DST: variants seen among roughly 807,000 people sequenced by gnomAD.
The protein encoded by DST is dystonin, also known as bullous pemphigoid antigen.
DST carries 253 observed loss-of-function variants against 875.2 expected under a neutral mutation model. That is an observed-to-expected ratio of 0.29 (90% CI 0.26 to 0.32). The LOEUF (loss-of-function observed/expected upper bound fraction) is 0.32. Ranked by LOEUF, DST falls within the 10% of genes least tolerant of loss-of-function variation. The pLI is 1.00. For missense variants in DST, 8,287 were observed against 9,111.6 expected (o/e 0.91, Z 3.68); for synonymous variants, 3,124 against 3,197.1 (o/e 0.98, Z 0.77).
At chr6:56,633,719 C>T (rs1273535385) in intron 27 of DST, among the ~76,000 whole-genome samples, 5 of 151,046 alleles carry the variant, frequency 3.3e-5, no homozygotes, top group Admixed American at 6.6e-5. Flanking sequence ...AGGCTGGTCT[C>T]GAACTCCAGA....
At chr6:56,654,833 T>G (rs1390633791) in intron 10 of DST, among the ~76,000 whole-genome samples, 1 of 152,090 alleles carries the variant, frequency 6.6e-6, no homozygotes, top group African/African-American at 2.4e-5. Flanking sequence ...GATAGGATTC[T>G]GCAGGAACAT....
At chr6:56,853,742 T>A (rs1766446048) in intron 3 of DST, among the ~76,000 whole-genome samples, 1 of 152,110 alleles carries the variant, frequency 6.6e-6, no homozygotes, top group Non-Finnish European at 1.5e-5. Context: ...TGCCACGACA[T>A]AAACACCATT....
In DST at chr6:56,604,112, C is replaced by T. The variant is rs1249289191; in HGVS notation, c.10516G>A (p.Glu3506Lys). The T allele has an allele frequency of 1.3e-6, 2 of 1,577,276 alleles. No individual in the cohort carries two copies. The highest frequency in any genetic ancestry group is 2.3e-5 in the South Asian group (2 of 87,026). ...TTTTGATTAAAGTCTCCAACATGTT[C>T]TATTTTCTCTGAATATCCATCAGCA... ...LLADGYSEKI[E>K]HVGDFNQKAC... Residue 3506 changes from glutamate (E) to lysine (K), a missense_variant, in exon 40 of 104, where the codon GAA becomes AAA. This residue lies in a region of DST where 3,138 missense variants were observed against 3,116.6 expected (regional missense o/e 1.01). Transcript: ENST00000680361.
At chr6:56,542,851 T>G (rs1177090402) in intron 61 of DST, 2 of 152,316 alleles carry the variant, frequency 1.3e-5, no homozygotes, top group Non-Finnish European at 2.9e-5. Flanking sequence ...GCCGCAGCTC[T>G]CTACCACTTC....
intron 4 of DST, among the ~76,000 whole-genome samples, chr6:56,797,193 C>T (rs969971114): frequency 9.9e-5 from 15 of 152,042 alleles, no homozygotes; most frequent in Non-Finnish European, 2.1e-4. Context: ...TTTGGGGCAC[C>T]ACAAGCCACA....
At chr6:56,510,504 A>G (rs1042898283) in intron 73 of DST, among the ~76,000 whole-genome samples, 2 of 152,194 alleles carry the variant, frequency 1.3e-5, no homozygotes, top group African/African-American at 2.4e-5. Context: ...ATGGTTAAAC[A>G]CATAATCAGA....
intron 9 of DST, among the ~76,000 whole-genome samples, chr6:56,682,498 A>C (rs2099161684): frequency 1.3e-5 from 2 of 152,186 alleles, no homozygotes; most frequent in Non-Finnish European, 2.9e-5. Flanking sequence ...ACTCTTACAC[A>C]CAACACTGAT....
At position 56,619,549 on chromosome 6, in the gene DST, A is replaced by G. The variant is rs751282273; in HGVS notation, c.4929+4981T>C. On this transcript the variant is annotated intron_variant, in intron 36 of 103. Transcript: ENST00000680361. ...AATGCTGAATATTCTTCTCAGCTAC[A>G]GCATGTGCCCTTGTGATTCTGTCTA... 6.8e-6 allele frequency: 11 copies of G among 1,613,684 alleles called. No homozygotes were observed. Among genetic ancestry groups the G allele is most frequent in the Non-Finnish European group, 9.3e-6 (11 of 1,179,892 alleles).
chr6:56,784,367 A>G (rs966888859), intron 4 of DST, among the ~76,000 whole-genome samples: 22 of 152,240 alleles, frequency 1.4e-4, no homozygotes, highest in African/African-American at 5.3e-4. Flanking sequence ...TACACTGATC[A>G]GACGCAGATT....
chr6:56,562,103 A>T, intron 56 of DST, 35 bp downstream of exon 56: 1 of 1,337,276 alleles, frequency 7.5e-7, no homozygotes, highest in Non-Finnish European at 1.0e-6. Flanking sequence ...ACATCAAATT[A>T]CATTAATCAG....
intron 2 of DST, among the ~76,000 whole-genome samples, chr6:56,922,909 G>A (rs1193686904): frequency 2.0e-5 from 3 of 152,068 alleles, no homozygotes; most frequent in Non-Finnish European, 4.4e-5. Flanking sequence ...TTGTTTCAAA[G>A]TAATTAAAAT....
chr6:56,660,504 A>G lies in DST; in HGVS notation c.1215-9260T>C, dbSNP rs535444134. Among the ~76,000 whole-genome samples, 4 of 152,130 alleles carry G rather than the reference A, an allele frequency of 2.6e-5. No homozygotes were observed. The East Asian group carries it at 7.7e-4, about 29-fold the overall frequency. ...CTCACTTATCCTATGATAGCAGAGA[A>G]GTTACCGTAACAAATTCCTGAAGAT... On this transcript the variant is annotated intron_variant, in intron 10 of 103. Coordinates refer to ENST00000680361, the MANE Select transcript of DST (RefSeq NM_001374736.1).
intron 61 of DST, among the ~76,000 whole-genome samples, chr6:56,545,790 T>C (rs2097211368): frequency 6.6e-6 from 1 of 152,192 alleles, no homozygotes; most frequent in African/African-American, 2.4e-5. Context: ...AAACGCACTA[T>C]TATCAATGAA....
chr6:56,838,380 G>A (rs1256020231), intron 4 of DST, among the ~76,000 whole-genome samples: 1 of 152,134 alleles, frequency 6.6e-6, no homozygotes, highest in African/African-American at 2.4e-5. Flanking sequence ...ACAGAGCCAG[G>A]ATCCTGAGGC....
At chr6:56,630,024 T>C (rs895412402) in intron 31 of DST, among the ~76,000 whole-genome samples, 1 of 152,186 alleles carries the variant, frequency 6.6e-6, no homozygotes, top group Non-Finnish European at 1.5e-5. Flanking sequence ...GAATTGACTA[T>C]CAAAAGCTAC....
intron 59 of DST, 49 bp downstream of exon 59, chr6:56,557,270 G>A (rs1348670271): frequency 1.9e-6 from 3 of 1,539,392 alleles, no homozygotes; most frequent in Middle Eastern, 1.7e-4. Context: ...ATTGGTCTCA[G>A]TAAGTCAAAT....
intron 59 of DST, among the ~76,000 whole-genome samples, chr6:56,556,905 G>A (rs2097430117): frequency 6.6e-6 from 1 of 152,070 alleles, no homozygotes; most frequent in African/African-American, 2.4e-5. Context: ...AGTTTTACAA[G>A]TTTCATTATC....
chr6:56,564,540 T>G (rs1436913487), intron 55 of DST, among the ~76,000 whole-genome samples: 1 of 152,240 alleles, frequency 6.6e-6, no homozygotes, highest in Non-Finnish European at 1.5e-5. Flanking sequence ...TGACTTCCTC[T>G]CTTCCTGTCT....
intron 4 of DST, among the ~76,000 whole-genome samples, chr6:56,765,261 A>G (rs769177463): frequency 2.0e-5 from 3 of 152,244 alleles, no homozygotes; most frequent in African/African-American, 7.2e-5. Flanking sequence ...TATTTTCAAA[A>G]GCAAAGCCTT....
Sources: allele counts gnomAD v4.1 joint callset (sites outside exome capture counted in the v4.1 genomes callset), GRCh38; gene constraint gnomAD v4.1.1; regional missense constraint gnomAD v4.1.1; transcripts MANE v1.5; gene names NCBI Gene and HGNC (gene_info 2026-07-23, HGNC 2026-07-21).